CSMD3: variants seen among roughly 807,000 people sequenced by gnomAD.
CSMD3 encodes the protein CUB and sushi domain-containing protein 3.
CSMD3 carries 177 observed loss-of-function variants against 435.2 expected under a neutral mutation model. That is an observed-to-expected ratio of 0.41 (90% CI 0.36 to 0.46). The LOEUF is 0.46. Ranked by LOEUF, CSMD3 falls within the 20% of genes least tolerant of loss-of-function variation. The probability of loss-of-function intolerance (pLI) is 0.34; values close to 1 mark genes in which losing one functional copy is unlikely to be tolerated. For missense variants in CSMD3, 4,265 were observed against 4,504.6 expected, an observed-to-expected ratio of 0.95 and a Z score of 1.52; for synonymous variants, 1,656 against 1,520.5, an observed-to-expected ratio of 1.09 and a Z score of -2.07.
At chr8:113,277,521 A>G (rs1042895434) in intron 3 of CSMD3, among the ~76,000 whole-genome samples, 2 of 151,992 alleles carry the variant, frequency 1.3e-5, no homozygotes, top group Non-Finnish European at 2.9e-5. Flanking sequence ...ATTCCCTTAC[A>G]TGCAAGATGT....
chr8:112,743,301 A>T (rs532167777), intron 13 of CSMD3, among the ~76,000 whole-genome samples: 40 of 144,410 alleles, frequency 2.8e-4, no homozygotes, highest in Non-Finnish European at 6.2e-5. Context: ...CTCACCAAAA[A>T]AAAAAAATAA....
At chr8:112,666,241 T>C (rs561586134) in intron 17 of CSMD3, 36 bp downstream of exon 17, 5 of 1,472,390 alleles carry the variant, frequency 3.4e-6, no homozygotes, top group Non-Finnish European at 3.8e-6. Flanking sequence ...TTTTAGATAA[T>C]ATTTTCTTTA....
intron 3 of CSMD3, among the ~76,000 whole-genome samples, chr8:113,197,518 C>T (rs1022266191): frequency 6.6e-5 from 10 of 150,988 alleles, no homozygotes; most frequent in African/African-American, 2.2e-4. Context: ...TTATTTGGTG[C>T]CAAATCTTAT....
chr8:112,374,724 A>T (rs1490326688), intron 38 of CSMD3, among the ~76,000 whole-genome samples: 1 of 152,222 alleles, frequency 6.6e-6, no homozygotes, highest in Non-Finnish European at 1.5e-5. Flanking sequence ...AAGGCCTATC[A>T]ACACAATGCT....
chr8:113,072,736 A>G (rs2089179165), intron 5 of CSMD3, among the ~76,000 whole-genome samples: 1 of 151,812 alleles, frequency 6.6e-6, no homozygotes, highest in African/African-American at 2.4e-5. Context: ...AGACATGCCC[A>G]GTTTCTCCAT....
At chr8:112,791,357 T>C (rs755824513) in intron 13 of CSMD3, among the ~76,000 whole-genome samples, 33 of 148,452 alleles carry the variant, frequency 2.2e-4, no homozygotes, top group Non-Finnish European at 4.3e-4. Context: ...AATGTGTCTA[T>C]CACCCAGTAA....
At chr8:112,241,416 A>G (rs1814131433) in intron 66 of CSMD3, among the ~76,000 whole-genome samples, 1 of 151,910 alleles carries the variant, frequency 6.6e-6, no homozygotes, top group Non-Finnish European at 1.5e-5. Flanking sequence ...GTTAAATAAG[A>G]CCTCATTTTT....
At chr8:112,370,398 T>C (rs1477581910) in intron 38 of CSMD3, among the ~76,000 whole-genome samples, 2 of 152,218 alleles carry the variant, frequency 1.3e-5, no homozygotes, top group Admixed American at 6.5e-5. Flanking sequence ...ACCTTGTAAA[T>C]CAGAGCATGT....
chr8:113,024,278 C>A (rs536255964), intron 5 of CSMD3, among the ~76,000 whole-genome samples: 24 of 150,318 alleles, frequency 1.6e-4, no homozygotes, highest in African/African-American at 5.6e-4. Context: ...GCATAGTATT[C>A]CACTGAGTAT....
intron 13 of CSMD3, among the ~76,000 whole-genome samples, chr8:112,759,007 T>G: frequency 6.6e-6 from 1 of 152,202 alleles, no homozygotes; most frequent in South Asian, 2.1e-4. Context: ...GGGTTTAATT[T>G]TATAACTCTG....
chr8:112,644,878 T>C (rs1387222300), intron 20 of CSMD3, among the ~76,000 whole-genome samples: 1 of 152,074 alleles, frequency 6.6e-6, no homozygotes, highest in Non-Finnish European at 1.5e-5. Flanking sequence ...ATATCAAAAG[T>C]AAACAAATCT....
At chr8:112,858,701 C>A (rs1027282391) in intron 11 of CSMD3, among the ~76,000 whole-genome samples, 3 of 151,696 alleles carry the variant, frequency 2.0e-5, no homozygotes, top group Non-Finnish European at 3.0e-5. Flanking sequence ...TTTATTAGTG[C>A]AGAGCACATT....
intron 10 of CSMD3, among the ~76,000 whole-genome samples, chr8:112,886,831 T>C (rs993917708): frequency 7.9e-5 from 12 of 151,674 alleles, no homozygotes; most frequent in Non-Finnish European, 1.8e-4. Context: ...AATACTTATA[T>C]AATGACTGAT....
chr8:113,189,599 G>A (rs1311163925), intron 3 of CSMD3, among the ~76,000 whole-genome samples: 2 of 151,788 alleles, frequency 1.3e-5, no homozygotes, highest in Non-Finnish European at 2.9e-5. Context: ...AATTGCCATT[G>A]ATTATTAATA....
intron 16 of CSMD3, among the ~76,000 whole-genome samples, chr8:112,667,470 T>C (rs1447784484): frequency 6.6e-6 from 1 of 152,194 alleles, no homozygotes; most frequent in Non-Finnish European, 1.5e-5. Context: ...CCTTGAAGTA[T>C]AGAAATAACC....
intron 3 of CSMD3, among the ~76,000 whole-genome samples, chr8:113,184,384 GA>G (rs1290862935): frequency 6.6e-6 from 1 of 151,824 alleles, no homozygotes; most frequent in Non-Finnish European, 1.5e-5. Context: ...CTTGAAGGCC[GA>G]AAATCTCAAT....
intron 7 of CSMD3, 92 bp from the exon 8 acceptor site, chr8:112,954,853 A>G (rs2083955059): frequency 3.8e-6 from 3 of 781,900 alleles, no homozygotes; most frequent in South Asian, 3.0e-5. Flanking sequence ...GGACTTATGC[A>G]AGATAAAGAA....
chr8:112,267,054 C>T (rs1287885405), intron 59 of CSMD3, among the ~76,000 whole-genome samples: 1 of 151,822 alleles, frequency 6.6e-6, no homozygotes, highest in East Asian at 1.9e-4. Context: ...ATTCACTTTT[C>T]CCAATATTTT....
chr8:112,496,648 C>A (rs1821376584), intron 30 of CSMD3, among the ~76,000 whole-genome samples: 1 of 152,032 alleles, frequency 6.6e-6, no homozygotes, highest in African/African-American at 2.4e-5. Flanking sequence ...ATATTTGCAA[C>A]AACATGGATG....
Sources: gnomAD v4.1 joint callset for allele counts (sites outside exome capture counted in the v4.1 genomes callset) on GRCh38, gnomAD v4.1.1 for gene constraint, MANE v1.5 for transcripts, NCBI Gene and HGNC (gene_info 2026-07-23, HGNC 2026-07-21) for gene names.